The following DPYD variants were observed in gnomAD, a reference collection of about 807,000 sequenced individuals.
DPYD encodes dihydropyrimidine dehydrogenase.
A neutral mutation model predicts 116.2 loss-of-function variants in DPYD; 109 were observed. The observed-to-expected ratio is 0.94, with a 90% confidence interval of 0.80 to 1.10. The LOEUF (loss-of-function observed/expected upper bound fraction) is 1.10, where lower values mean the gene tolerates loss of function less well. DPYD is among the 50% of genes least tolerant of loss of function. The pLI, the probability that DPYD is intolerant of heterozygous loss-of-function variation, is 0.00. For synonymous variants in DPYD, 440 were observed against 432.0 expected, an observed-to-expected ratio of 1.02 and a Z score of -0.23; for missense variants, 1,302 against 1,254.5, an observed-to-expected ratio of 1.04 and a Z score of -0.57.
At chr1:97,197,787 T>C (rs1658918636) in intron 19 of DPYD, among the ~76,000 whole-genome samples, 1 of 152,110 alleles carries the variant, frequency 6.6e-6, no homozygotes. Context: ...TTGGGAGCTA[T>C]ACTGAGAATG....
intron 16 of DPYD, among the ~76,000 whole-genome samples, chr1:97,364,308 A>C (rs968571531): frequency 1.3e-5 from 2 of 152,216 alleles, no homozygotes; most frequent in Non-Finnish European, 2.9e-5. Flanking sequence ...TTTCTGATGA[A>C]TCATGAACAC....
intron 6 of DPYD, among the ~76,000 whole-genome samples, chr1:97,692,506 G>A (rs2100952577): frequency 6.6e-6 from 1 of 152,232 alleles, no homozygotes; most frequent in African/African-American, 2.4e-5. Context: ...ACTTTCCAGT[G>A]TTTTGTTAAC....
At chr1:97,134,960 T>C (rs2101680082) in intron 20 of DPYD, among the ~76,000 whole-genome samples, 1 of 143,040 alleles carries the variant, frequency 7.0e-6, no homozygotes, top group Admixed American at 7.2e-5. Flanking sequence ...AGTGGGTTAC[T>C]CTTTCCAGGT....
intron 2 of DPYD, among the ~76,000 whole-genome samples, chr1:97,828,677 A>G (rs912769262): frequency 1.3e-4 from 13 of 99,212 alleles, no homozygotes; most frequent in African/African-American, 4.0e-4. Flanking sequence ...ATATAATAAT[A>G]AAAGTTTCAA....
chr1:97,716,137 T>C (rs1344781465), intron 5 of DPYD, among the ~76,000 whole-genome samples: 1 of 152,096 alleles, frequency 6.6e-6, no homozygotes, highest in Non-Finnish European at 1.5e-5. Flanking sequence ...TGTAGTCTCA[T>C]AACACTTGAC....
intron 3 of DPYD, among the ~76,000 whole-genome samples, chr1:97,785,425 T>C (rs1230621912): frequency 6.6e-6 from 1 of 152,186 alleles, no homozygotes; most frequent in Non-Finnish European, 1.5e-5. Context: ...AATTTGAATA[T>C]ATATTTAAAG....
chr1:97,547,634 C>A (rs117549006), intron 12 of DPYD, among the ~76,000 whole-genome samples: 1 of 152,160 alleles, frequency 6.6e-6, no homozygotes, highest in East Asian at 1.9e-4. Flanking sequence ...TGTCTCTTTG[C>A]AAAATCCACA....
intron 18 of DPYD, among the ~76,000 whole-genome samples, chr1:97,299,907 A>G (rs891120626): frequency 6.6e-6 from 1 of 152,110 alleles, no homozygotes; most frequent in African/African-American, 2.4e-5. Flanking sequence ...CAACATAATG[A>G]AAGAGGGGAT....
chr1:97,396,674 T>C (rs1401380405), intron 14 of DPYD, among the ~76,000 whole-genome samples: 1 of 152,042 alleles, frequency 6.6e-6, no homozygotes, highest in Non-Finnish European at 1.5e-5. Flanking sequence ...CCAAATCACC[T>C]TGCTGCTCCT....
At chr1:97,677,555 A>T (rs1660210799) in intron 8 of DPYD, among the ~76,000 whole-genome samples, 1 of 152,170 alleles carries the variant, frequency 6.6e-6, no homozygotes, top group Admixed American at 6.5e-5. Context: ...AGTCAAATAT[A>T]GTATGCCTAA....
chr1:97,519,066 A>T lies in DPYD; in HGVS notation c.1525-3125T>A, dbSNP rs1425707348. ...TAAATTTTTGCTTATTATAATTTTC[A>T]TATTTTCAATAATAAATACAAGTTA... On this transcript the variant is annotated intron_variant, in intron 12 of 22. Coordinates refer to ENST00000370192, the MANE Select transcript of DPYD (RefSeq NM_000110.4). Among the ~76,000 whole-genome samples, 3 of 152,188 alleles carry T rather than the reference A, an allele frequency of 2.0e-5. No individual in the cohort carries two copies. In the East Asian group the frequency reaches 5.8e-4, roughly 29 times the overall value.
chr1:97,560,661 A>T (rs1171424078), intron 11 of DPYD, among the ~76,000 whole-genome samples: 1 of 152,120 alleles, frequency 6.6e-6, no homozygotes, highest in Non-Finnish European at 1.5e-5. Flanking sequence ...TGTGTTGTAA[A>T]TTTCATCTGG....
chr1:97,662,215 T>C (rs1034026207), intron 8 of DPYD, among the ~76,000 whole-genome samples: 1 of 151,162 alleles, frequency 6.6e-6, no homozygotes, highest in African/African-American at 2.4e-5. Flanking sequence ...TTAGCCAGGA[T>C]GGTCTCTCGA....
chr1:97,371,080 G>GTA (rs980468375), intron 16 of DPYD, among the ~76,000 whole-genome samples: 11 of 151,698 alleles, frequency 7.3e-5, no homozygotes, highest in African/African-American at 2.2e-4. Context: ...TTATATATAT[G>GTA]TATATATATC....
At chr1:97,620,126 T>C (rs996298903) in intron 8 of DPYD, among the ~76,000 whole-genome samples, 1 of 152,120 alleles carries the variant, frequency 6.6e-6, no homozygotes, top group African/African-American at 2.4e-5. Flanking sequence ...ACTATTCCAA[T>C]TGATACACAG....
chr1:97,728,812 C>T (rs1261950777), intron 4 of DPYD, among the ~76,000 whole-genome samples: 1 of 152,024 alleles, frequency 6.6e-6, no homozygotes, highest in African/African-American at 2.4e-5. Context: ...TACATGCACA[C>T]AGAACACTCT....
At chr1:97,690,387 C>T (rs1402888310) in intron 7 of DPYD, among the ~76,000 whole-genome samples, 1 of 151,794 alleles carries the variant, frequency 6.6e-6, no homozygotes, top group Non-Finnish European at 1.5e-5. Flanking sequence ...TGCAATTTTG[C>T]AATTTTATAT....
intron 18 of DPYD, among the ~76,000 whole-genome samples, chr1:97,245,763 T>C (rs1662678702): frequency 6.6e-6 from 1 of 152,174 alleles, no homozygotes. Flanking sequence ...CTATTACTTC[T>C]TCCTTTGGAA....
At chr1:97,605,489 C>T (rs557468728) in intron 8 of DPYD, among the ~76,000 whole-genome samples, 2 of 152,138 alleles carry the variant, frequency 1.3e-5, no homozygotes, top group East Asian at 1.9e-4. Flanking sequence ...AAGGTGCTTG[C>T]TTCTCCTTTG....
Sources: gnomAD v4.1 joint callset for allele counts (sites outside exome capture counted in the v4.1 genomes callset) on GRCh38, gnomAD v4.1.1 for gene constraint, MANE v1.5 for transcripts, NCBI Gene and HGNC (gene_info 2026-07-23, HGNC 2026-07-21) for gene names.